The following LZIC variants were observed in gnomAD, a reference collection of about 807,000 sequenced individuals.
LZIC encodes protein LZIC.
Under a neutral mutation model 25.4 loss-of-function variants are expected in LZIC, and 28 were observed. The observed-to-expected ratio is 1.10, with a 90% CI of 0.82 to 1.51. The LOEUF (loss-of-function observed/expected upper bound fraction) is 1.51. LZIC is among the 40% of genes most tolerant of loss of function. The probability of loss-of-function intolerance (pLI) is 0.00; values close to 1 mark genes in which losing one functional copy is unlikely to be tolerated. For missense variants in LZIC, 170 were observed against 211.1 expected, an observed-to-expected ratio of 0.81 and a Z score of 1.21; for synonymous variants, 65 against 70.7, an observed-to-expected ratio of 0.92 and a Z score of 0.40.
At chr1:9,923,337 G>C (rs1244527554), downstream of LZIC, among the ~76,000 whole-genome samples, 6 of 152,190 alleles carry the variant, frequency 3.9e-5, no homozygotes, top group Non-Finnish European at 7.4e-5. Context: ...AGCCTCCTGA[G>C]TAGCTGGGAT....
chr1:9,922,133 A>T (rs1639882088), downstream of LZIC: 1 of 246,532 alleles, frequency 4.1e-6, no homozygotes, highest in African/African-American at 2.3e-5. Context: ...TTTTAGATGT[A>T]ATTTATTATT....
chr1:9,939,482 G>GT (rs1640608772), intron 2 of LZIC, among the ~76,000 whole-genome samples: 1 of 145,836 alleles, frequency 6.9e-6, no homozygotes, highest in Non-Finnish European at 1.5e-5. Context: ...CTGGGCTCAA[G>GT]TGATTCTCCT....
intron 5 of LZIC, 80 bp downstream of exon 5, chr1:9,934,682 T>G: frequency 8.0e-7 from 1 of 1,244,976 alleles, no homozygotes; most frequent in Non-Finnish European, 1.2e-6. Flanking sequence ...TGGCAAATTT[T>G]TAAGCCATAG....
chr1:9,930,462 GA>G lies in LZIC; in HGVS notation c.515-6del. The G allele has an allele frequency of 6.2e-7, 1 of 1,610,200 alleles. No homozygotes were observed. Among genetic ancestry groups the G allele is most frequent in the Non-Finnish European group, 8.5e-7 (1 of 1,178,822 alleles). The stretch of plus-strand genomic sequence containing the variant: ...CAAGAATTTTGTCTCCAGAGCCTAA[GA>G]AAAAAGACACATAATAAACAAAAAG... On this transcript the variant is annotated splice_polypyrimidine_tract_variant and splice_region_variant and intron_variant, in intron 7 of 7. Transcript: ENST00000377223.
downstream of LZIC, among the ~76,000 whole-genome samples, chr1:9,926,254 A>G (rs1639983070): frequency 6.6e-6 from 1 of 152,208 alleles, no homozygotes; most frequent in African/African-American, 2.4e-5. Flanking sequence ...CACTGGTCTT[A>G]GCAATAAATA....
At chr1:9,939,620 G>A (rs1339940580) in intron 2 of LZIC, among the ~76,000 whole-genome samples, 3 of 142,474 alleles carry the variant, frequency 2.1e-5, no homozygotes, top group South Asian at 2.2e-4. Context: ...CTAAAATGCT[G>A]GGATTACAGG....
chr1:9,940,579 A>G (rs940568039), intron 2 of LZIC, among the ~76,000 whole-genome samples: 1 of 152,142 alleles, frequency 6.6e-6, no homozygotes, highest in Non-Finnish European at 1.5e-5. Flanking sequence ...CGGCCTCCCA[A>G]AGTGCTGGGG....
downstream of LZIC, among the ~76,000 whole-genome samples, chr1:9,925,181 C>T (rs1489337016): frequency 6.7e-6 from 1 of 150,122 alleles, no homozygotes; most frequent in Non-Finnish European, 1.5e-5. Context: ...AAAAAATTAG[C>T]TGGACATGGT....
downstream of LZIC, among the ~76,000 whole-genome samples, chr1:9,925,287 T>C (rs970478701): frequency 1.4e-4 from 22 of 152,270 alleles, no homozygotes; most frequent in Non-Finnish European, 4.4e-5. Context: ...CACTCCAGCC[T>C]GGGCAACAAG....
At chr1:9,935,955 C>A (rs1021459710) in intron 3 of LZIC, among the ~76,000 whole-genome samples, 2 of 152,036 alleles carry the variant, frequency 1.3e-5, no homozygotes, top group African/African-American at 4.8e-5. Flanking sequence ...CATGGTAAAA[C>A]CCCGTCTCTA....
chr1:9,939,607 C>T (rs1012184365), intron 2 of LZIC, among the ~76,000 whole-genome samples: 6 of 139,340 alleles, frequency 4.3e-5, no homozygotes, highest in Admixed American at 4.2e-4. Context: ...TGGCCTTGGC[C>T]TCCTAAAATG....
rs1029876922 is a variant in LZIC at position 9,942,647 on chromosome 1, T to C, written c.-32A>G. On this transcript the variant is annotated 5_prime_UTR_variant, in exon 2 of 8. Coordinates refer to ENST00000377223, the MANE Select transcript of LZIC (RefSeq NM_032368.5). ...ACCTGTCTCTTAGTACTCTGATCTC[T>C]GCACAGTGCCGACCGGTCTCAAATT... The C allele has an allele frequency of 2.0e-5, 26 of 1,288,532 alleles. No individual in the cohort carries two copies. Among genetic ancestry groups the C allele is most frequent in the Non-Finnish European group, 2.5e-5 (25 of 988,234 alleles). The allele number at this position is 1,288,532 out of a possible 1,614,324, so 79.8% of individuals were successfully genotyped here.
downstream of LZIC, among the ~76,000 whole-genome samples, chr1:9,925,265 A>T (rs1468779710): frequency 6.6e-6 from 1 of 152,150 alleles, no homozygotes; most frequent in African/African-American, 2.4e-5. Flanking sequence ...GCAAGCCGAG[A>T]TCGGGCCATT....
chr1:9,935,609 A>T lies in LZIC; in HGVS notation c.120T>A (p.Asp40Glu). The T allele has an allele frequency of 6.2e-7, 1 of 1,606,912 alleles. No homozygotes were observed. The highest frequency in any genetic ancestry group is 1.3e-5 in the African/African-American group (1 of 74,504). Reference sequence around the variant, plus strand: ...TTTCCTTTTTGGTTTCTTCATATTCATCTGTATCAAGTTCCTCTCTGAAAT... The same window carrying T: ...TTTCCTTTTTGGTTTCTTCATATTCTTCTGTATCAAGTTCCTCTCTGAAAT... ...LEECREELDT[D>E]EYEETKKETL... is the part of the protein sequence containing the mutation. Residue 40 changes from aspartate to glutamate, a missense_variant, in exon 4 of 8, where the codon GAT (aspartate) becomes GAA (glutamate). Coordinates refer to ENST00000377223, the MANE Select transcript of LZIC (RefSeq NM_032368.5).
At chr1:9,942,463 C>T (rs907619496) in intron 2 of LZIC, among the ~76,000 whole-genome samples, 161 bp downstream of exon 2, 6 of 152,116 alleles carry the variant, frequency 3.9e-5, no homozygotes, top group Non-Finnish European at 8.8e-5. Flanking sequence ...ATTTTAAAAG[C>T]CTTAACCTGG....
At chr1:9,924,077 G>A (rs898331667), downstream of LZIC, among the ~76,000 whole-genome samples, 17 of 151,814 alleles carry the variant, frequency 1.1e-4, no homozygotes, top group African/African-American at 3.9e-4. Flanking sequence ...TAGTAGACCC[G>A]GGGTTCCCCC....
chr1:9,940,415 G>A (rs1027821881), intron 2 of LZIC, among the ~76,000 whole-genome samples: 2 of 151,944 alleles, frequency 1.3e-5, no homozygotes, highest in South Asian at 2.1e-4. Flanking sequence ...TCCTGACCTC[G>A]TGATCCGCCC....
chr1:9,942,868 C>G, intron 1 of LZIC, 86 bp from the exon 2 acceptor site: 1 of 391,186 alleles, frequency 2.6e-6, no homozygotes, highest in Non-Finnish European at 5.1e-6. Context: ...TCCACTTGAG[C>G]AGCCTGAGAC....
intron 2 of LZIC, among the ~76,000 whole-genome samples, chr1:9,938,312 C>A (rs1283102177): frequency 6.6e-6 from 1 of 152,036 alleles, no homozygotes; most frequent in Non-Finnish European, 1.5e-5. Context: ...CAAACACAGG[C>A]ACACACCACC....
Sources: allele counts gnomAD v4.1 joint callset (sites outside exome capture counted in the v4.1 genomes callset), GRCh38; gene constraint gnomAD v4.1.1; transcripts MANE v1.5; gene names NCBI Gene and HGNC (gene_info 2026-07-23, HGNC 2026-07-21).